RPS25: variants seen among roughly 807,000 people sequenced by gnomAD.
RPS25 encodes small ribosomal subunit protein eS25.
A neutral mutation model predicts 14.4 loss-of-function variants in RPS25; 1 was observed. That is an observed-to-expected ratio of 0.07 (90% CI 0.02 to 0.33). The LOEUF (loss-of-function observed/expected upper bound fraction) is 0.33, where lower values mean the gene tolerates loss of function less well. RPS25 is among the 10% of genes least tolerant of loss of function. The pLI, the probability that RPS25 is intolerant of heterozygous loss-of-function variation, is 1.00. For missense variants in RPS25, 65 were observed against 144.6 expected, an observed-to-expected ratio of 0.45 and a Z score of 2.82; for synonymous variants, 63 against 53.8, an observed-to-expected ratio of 1.17 and a Z score of -0.75.
chr11:119,016,465 T>C (rs1290972429), intron 3 of RPS25, among the ~76,000 whole-genome samples: 1 of 152,124 alleles, frequency 6.6e-6, no homozygotes, highest in Non-Finnish European at 1.5e-5. Flanking sequence ...TTAAAACTCC[T>C]TGGCTCAAAT....
At chr11:119,018,140 C>A (rs1943211814) in intron 1 of RPS25, 87 bp from the exon 2 acceptor site, 2 of 1,560,406 alleles carry the variant, frequency 1.3e-6, no homozygotes, top group Admixed American at 3.4e-5. Context: ...GCAAACTCCA[C>A]CACCAGAGCA....
Position 119,015,833 on chromosome 11 carries a change from CT to C in RPS25, c.*4+7del. 1 of 1,562,128 alleles carries C rather than the reference CT, an allele frequency of 6.4e-7. No homozygotes were observed. The highest frequency in any genetic ancestry group is 8.8e-7 in the Non-Finnish European group (1 of 1,132,734). ...TCCTACACCATGAGCCCACACATTC[CT>C]ACTCACCTATTCATGCATCTTCACC... is the stretch of plus-strand genomic sequence containing the variant. On this transcript the variant is annotated splice_region_variant and intron_variant, in intron 4 of 4. Transcript: ENST00000527673.
In RPS25 at chr11:119,018,069, G is replaced by A. The variant is rs926447102; in HGVS notation, c.4-16C>T. The A allele has an allele frequency of 6.2e-7, 1 of 1,610,632 alleles. No homozygotes were observed. Among genetic ancestry groups the A allele is most frequent in the Non-Finnish European group, 8.5e-7 (1 of 1,178,450 alleles). Reference sequence around the variant, plus strand: ...CCTTAGGCGGCTGTAGGAGGGCAGCGGGAATGCAACCAGGTCCTCAAATAG... The same window carrying A: ...CCTTAGGCGGCTGTAGGAGGGCAGCAGGAATGCAACCAGGTCCTCAAATAG... On this transcript the variant is annotated splice_polypyrimidine_tract_variant and intron_variant, in intron 1 of 4. Coordinates refer to ENST00000527673, the MANE Select transcript of RPS25 (RefSeq NM_001028.3).
Position 119,015,770 on chromosome 11 carries a change from A to G in RPS25, c.*5-12T>C, listed in dbSNP as rs1000121364. On this transcript the variant is annotated splice_polypyrimidine_tract_variant and intron_variant, in intron 4 of 4. Transcript: ENST00000527673. ...ACAGCTGGTTGGACCTGTAAAAAAAAATTAAAAGAATCAGAACCATAAAGC... is the reference window on the plus strand; with the variant it reads ...ACAGCTGGTTGGACCTGTAAAAAAAGATTAAAAGAATCAGAACCATAAAGC... The G allele has an allele frequency of 9.8e-6, 13 of 1,323,996 alleles. No individual in the cohort carries two copies. Among genetic ancestry groups the G allele is most frequent in the Non-Finnish European group, 1.3e-5 (12 of 933,218 alleles). 82.0% of individuals were successfully genotyped at this position (1,323,996 alleles called of 1,614,324 possible). A position where few individuals can be genotyped will look rare whatever the true frequency, so the allele number is the denominator to read the frequency against.
rs1943206405 is a variant in RPS25, at chr11:119,018,004, T to G, written c.53A>C (p.Lys18Thr). Residue 18 changes from lysine to threonine, a missense_variant, in exon 2 of 5, where the codon AAA (lysine) becomes ACA (threonine). Coordinates refer to ENST00000527673, the MANE Select transcript of RPS25 (RefSeq NM_001028.3). ...GGATTTGTTCACTGGGTCTTTGTCTTTCTTGGCCGACTTTCCAGCGTCCTT... is the reference window on the plus strand; with the variant it reads ...GGATTTGTTCACTGGGTCTTTGTCTGTCTTGGCCGACTTTCCAGCGTCCTT... ...KKKDAGKSAK[K>T]DKDPVNKSGG... The G allele has an allele frequency of 6.2e-7, 1 of 1,612,274 alleles. No individual in the cohort carries two copies. The highest frequency in any genetic ancestry group is 8.5e-7 in the Non-Finnish European group (1 of 1,180,020).
intron 2 of RPS25, 70 bp downstream of exon 2, chr11:119,017,888 C>A: frequency 8.0e-7 from 1 of 1,245,768 alleles, no homozygotes; most frequent in Non-Finnish European, 1.2e-6. Flanking sequence ...ACTTACTATA[C>A]AAGTTACCTA....
intron 2 of RPS25, 151 bp downstream of exon 2, chr11:119,017,807 G>A (rs923049624): frequency 4.2e-6 from 3 of 710,060 alleles, no homozygotes; most frequent in Non-Finnish European, 7.2e-6. Flanking sequence ...ATCCTAATGG[G>A]AAAAAGAACG....
rs782448552 is a variant in RPS25, at chr11:119,018,257, G to A, written c.3+25C>T. The A allele has an allele frequency of 6.2e-6, 10 of 1,613,992 alleles. No individual in the cohort carries two copies. The South Asian group carries it at 9.9e-5, about 16-fold the overall frequency. ...TGAGTCCTCAAACCCAAGAACGCCG[G>A]CGACTTCACACCCCTGAAGCTTACC... is the stretch of plus-strand genomic sequence containing the variant. On this transcript the variant is annotated intron_variant, in intron 1 of 4. Coordinates refer to ENST00000527673, the MANE Select transcript of RPS25 (RefSeq NM_001028.3).
intron 3 of RPS25, among the ~76,000 whole-genome samples, chr11:119,016,351 T>C (rs1202654169): frequency 1.3e-5 from 2 of 152,096 alleles, no homozygotes; most frequent in East Asian, 3.9e-4. Context: ...GGTGGATCTC[T>C]TGAGCCCAGG....
intron 1 of RPS25, 62 bp from the exon 2 acceptor site, chr11:119,018,115 G>C (rs1943210912): frequency 6.4e-7 from 1 of 1,568,312 alleles, no homozygotes; most frequent in African/African-American, 1.4e-5. Context: ...CCCTAATACT[G>C]CGCCCTCAGC....
chr11:119,018,217 G>T (rs1241293666), intron 1 of RPS25, 65 bp downstream of exon 1: 5 of 1,612,298 alleles, frequency 3.1e-6, no homozygotes, highest in Non-Finnish European at 4.2e-6. Flanking sequence ...CGCTCCCGCC[G>T]AAGGCTCTCC....
chr11:119,016,472 A>T (rs782052148), intron 3 of RPS25, among the ~76,000 whole-genome samples: 1 of 152,170 alleles, frequency 6.6e-6, no homozygotes, highest in Non-Finnish European at 1.5e-5. Flanking sequence ...TCCTTGGCTC[A>T]AATGATCCTC....
chr11:119,017,857 G>A (rs949228205), intron 2 of RPS25, 101 bp downstream of exon 2: 10 of 919,484 alleles, frequency 1.1e-5, no homozygotes, highest in East Asian at 2.4e-5. Context: ...TTTGACTCTA[G>A]AAATCTACAC....
Position 119,017,969 on chromosome 11 carries a change from C to T in RPS25, c.88G>A (p.Ala30Thr). 2 of 1,612,286 alleles carry T rather than the reference C, an allele frequency of 1.2e-6. No individual in the cohort carries two copies. Among genetic ancestry groups the T allele is most frequent in the Non-Finnish European group, 1.7e-6 (2 of 1,179,700 alleles). Residue 30 changes from alanine to threonine, a missense_variant, in exon 2 of 5, where the codon GCC (alanine) becomes ACC (threonine). Transcript: ENST00000527673. ...KDPVNKSGGK[A>T]KKKKWSKGKV... is the part of the protein sequence containing the mutation. Reference sequence around the variant, plus strand: ...GGTCTTATTTCTACCTTCTTTTTGGCCTTGCCCCCGGATTTGTTCACTGGG... The same window carrying T: ...GGTCTTATTTCTACCTTCTTTTTGGTCTTGCCCCCGGATTTGTTCACTGGG...
intron 1 of RPS25, 67 bp from the exon 2 acceptor site, chr11:119,018,120 C>T (rs1408420803): frequency 6.4e-7 from 1 of 1,570,628 alleles, no homozygotes; most frequent in Non-Finnish European, 8.8e-7. Context: ...ATACTGCGCC[C>T]TCAGCCCCCG....
chr11:119,017,639 C>A, intron 2 of RPS25, 94 bp from the exon 3 acceptor site: 1 of 1,130,430 alleles, frequency 8.8e-7, no homozygotes, highest in Non-Finnish European at 1.3e-6. Flanking sequence ...TCTGTTCCAC[C>A]GTTATCAAGG....
chr11:119,016,032 A>G, intron 3 of RPS25, 93 bp from the exon 4 acceptor site: 1 of 762,786 alleles, frequency 1.3e-6, no homozygotes. Context: ...TCATGCTTAT[A>G]ATCCCACTGC....
rs782179852 is a variant in RPS25 at position 119,017,353 on chromosome 11, A to T, written c.283+9T>A. 1 of 1,600,974 alleles carries T rather than the reference A, an allele frequency of 6.2e-7. No homozygotes were observed. ...CTACAAAAACACACATGTAGGATAC[A>T]CCCCTCACCTTTACTAAGGAGCTCC... On this transcript the variant is annotated intron_variant, in intron 3 of 4. Transcript: ENST00000527673.
intron 1 of RPS25, 109 bp from the exon 2 acceptor site, chr11:119,018,162 CAAT>C (rs1369474080): frequency 7.6e-6 from 12 of 1,573,850 alleles, no homozygotes; most frequent in Non-Finnish European, 1.0e-5. Flanking sequence ...ATGGGCCAAG[CAAT>C]AACCGCGCCC....
Sources: allele counts gnomAD v4.1 joint callset (sites outside exome capture counted in the v4.1 genomes callset), GRCh38; gene constraint gnomAD v4.1.1; transcripts MANE v1.5; gene names NCBI Gene and HGNC (gene_info 2026-07-23, HGNC 2026-07-21).